The following RALGAPA2 variants were observed in gnomAD, a reference collection of about 807,000 sequenced individuals.
The protein encoded by RALGAPA2 is Ral GTPase activating protein catalytic subunit alpha 2.
Under a neutral mutation model 230.4 loss-of-function variants are expected in RALGAPA2, and 139 were observed. The ratio of observed to expected loss-of-function variants is 0.60; its 90% CI spans 0.53 to 0.69. The LOEUF (loss-of-function observed/expected upper bound fraction) is 0.69, where lower values mean the gene tolerates loss of function less well. RALGAPA2 is among the 30% of genes least tolerant of loss of function. RALGAPA2 has a pLI of 0.00. For synonymous variants in RALGAPA2, 847 were observed against 837.8 expected, an observed-to-expected ratio of 1.01 and a Z score of -0.19; for missense variants, 2,163 against 2,276.0, an observed-to-expected ratio of 0.95 and a Z score of 1.01.
At chr20:20,421,286 AT>A (rs1331379257) in intron 37 of RALGAPA2, among the ~76,000 whole-genome samples, 1 of 152,250 alleles carries the variant, frequency 6.6e-6, no homozygotes, top group African/African-American at 2.4e-5. Flanking sequence ...GATGACTATA[AT>A]CAAAAGGACA....
In RALGAPA2 at chr20:20,513,274, TCTC is replaced by T; in HGVS notation, c.4092_4094del (p.Arg1366del). 6.8e-7 allele frequency: 1 copy of T among 1,459,916 alleles called. No homozygotes were observed. The highest frequency in any genetic ancestry group is 9.0e-7 in the Non-Finnish European group (1 of 1,105,850). 90.4% of individuals were successfully genotyped at this position (1,459,916 alleles called of 1,614,324 possible). On this transcript the variant is annotated inframe_deletion, in exon 32 of 40. Coordinates refer to ENST00000202677, the MANE Select transcript of RALGAPA2 (RefSeq NM_020343.4). The stretch of plus-strand genomic sequence containing the variant: ...TCAAAGGGATCAACTCCAAACTTCT[TCTC>T]TTCTTCTCTGTAAACAGCGGTAAAG...
In RALGAPA2 at chr20:20,619,338, C is replaced by T. The variant is rs2066252019; in HGVS notation, c.1478G>A (p.Arg493Lys). The T allele has an allele frequency of 6.2e-7, 1 of 1,612,416 alleles. No individual in the cohort carries two copies. Among genetic ancestry groups the T allele is most frequent in the Admixed American group, 1.7e-5 (1 of 59,978 alleles). Reference protein sequence around the residue: ...RTYSFTSAMSRGCVTEEENTN... With the variant: ...RTYSFTSAMSKGCVTEEENTN... ...ATTTTCCTCCTCTGTCACACACCCTCTGCTCATTGCACTTGTGAAGGAGTA... is the reference window on the plus strand; with the variant it reads ...ATTTTCCTCCTCTGTCACACACCCTTTGCTCATTGCACTTGTGAAGGAGTA... The change falls in exon 12 of 40, where the codon AGA becomes AAA. Residue 493 changes from arginine to lysine, a missense_variant. Arg to Lys is a conservative substitution (Grantham distance 26). Transcript: ENST00000202677.
Position 20,712,378 on chromosome 20 carries a change from GC to G in RALGAPA2, c.102del (p.Leu35TrpfsTer29). 6.5e-7 allele frequency: 1 copy of G among 1,542,820 alleles called. No homozygotes were observed. The highest frequency in any genetic ancestry group is 8.8e-7 in the Non-Finnish European group (1 of 1,142,316). On this transcript the variant is annotated frameshift_variant, in exon 1 of 40. Coordinates refer to ENST00000202677, the MANE Select transcript of RALGAPA2 (RefSeq NM_020343.4). LOFTEE classifies it high-confidence loss of function. This position sits in a 1 kb window ranked among gnomAD's most constrained non-coding sequence, Gnocchi z 5.5. ...VLTRLKHLRA[L>X]LDNVDANDLK... ...CCGCGCCCGGCGCGCGCCTCACCCA[GC>G]AGCGCCCGCAGGTGCTTCAGGCGGG...
chr20:20,567,745 C>A (rs970768055), intron 23 of RALGAPA2, among the ~76,000 whole-genome samples: 1 of 151,438 alleles, frequency 6.6e-6, no homozygotes, highest in East Asian at 1.9e-4. Context: ...GTAATCCCAG[C>A]ATTTTGGGAG....
intron 36 of RALGAPA2, among the ~76,000 whole-genome samples, chr20:20,485,793 A>ATAC (rs2061895468): frequency 2.0e-5 from 3 of 152,212 alleles, no homozygotes. Context: ...TAAGCATGAA[A>ATAC]TACTTGTTGC....
intron 3 of RALGAPA2, among the ~76,000 whole-genome samples, chr20:20,671,675 T>C (rs2068139670): frequency 6.6e-6 from 1 of 152,212 alleles, no homozygotes. Context: ...GAACAATATA[T>C]ATTTGTTCTA....
chr20:20,420,537 A>G (rs1418288224), intron 37 of RALGAPA2, among the ~76,000 whole-genome samples: 1 of 152,218 alleles, frequency 6.6e-6, no homozygotes, highest in Non-Finnish European at 1.5e-5. Context: ...GACCTTAAGC[A>G]TAACCAGGAA....
intron 36 of RALGAPA2, among the ~76,000 whole-genome samples, chr20:20,487,974 T>C (rs1056731826): frequency 2.0e-5 from 3 of 151,368 alleles, no homozygotes; most frequent in Non-Finnish European, 4.4e-5. Context: ...ATACTTTGGG[T>C]ATATAGTCAT....
At chr20:20,434,561 A>G (rs1437418106) in intron 37 of RALGAPA2, among the ~76,000 whole-genome samples, 1 of 152,148 alleles carries the variant, frequency 6.6e-6, no homozygotes, top group African/African-American at 2.4e-5. Flanking sequence ...GGAGGAGATG[A>G]CCACGTTCTG....
chr20:20,546,611 G>C (rs972038715), intron 24 of RALGAPA2, 93 bp downstream of exon 24: 2 of 1,401,264 alleles, frequency 1.4e-6, no homozygotes, highest in Non-Finnish European at 1.9e-6. Flanking sequence ...TTGCACTAAT[G>C]AGTCAACACC....
chr20:20,500,704 G>A (rs1369661118), intron 35 of RALGAPA2, among the ~76,000 whole-genome samples: 2 of 152,160 alleles, frequency 1.3e-5, no homozygotes, highest in Non-Finnish European at 2.9e-5. Flanking sequence ...TGTTCCTAAT[G>A]GCATCTAGAA....
chr20:20,676,891 C>A (rs76703846), intron 2 of RALGAPA2, among the ~76,000 whole-genome samples: 1 of 152,152 alleles, frequency 6.6e-6, no homozygotes. Context: ...GCCTCTCTTA[C>A]AAACACTCAA....
At chr20:20,516,633 A>G (rs2062879570) in intron 31 of RALGAPA2, among the ~76,000 whole-genome samples, 1 of 152,200 alleles carries the variant, frequency 6.6e-6, no homozygotes, top group Non-Finnish European at 1.5e-5. Context: ...CAGAGTCTAC[A>G]TCACTCCCCT....
intron 16 of RALGAPA2, among the ~76,000 whole-genome samples, chr20:20,592,109 C>G (rs1476049321): frequency 6.6e-6 from 1 of 152,154 alleles, no homozygotes; most frequent in South Asian, 2.1e-4. Context: ...CCACCTTTTA[C>G]GTAGGTTGTT....
At chr20:20,583,385 T>C (rs2065044039) in intron 19 of RALGAPA2, among the ~76,000 whole-genome samples, 159 bp from the exon 20 acceptor site, 1 of 152,188 alleles carries the variant, frequency 6.6e-6, no homozygotes, top group South Asian at 2.1e-4. Context: ...GCTCAAAAAG[T>C]GTCCACGTGG....
At chr20:20,542,809 A>G (rs1022352155) in intron 24 of RALGAPA2, among the ~76,000 whole-genome samples, 10 of 152,194 alleles carry the variant, frequency 6.6e-5, no homozygotes, top group African/African-American at 1.9e-4. Flanking sequence ...TAAAAACCCT[A>G]GAAAAAAACC....
intron 3 of RALGAPA2, among the ~76,000 whole-genome samples, chr20:20,664,931 G>A (rs2067910198): frequency 6.6e-6 from 1 of 152,054 alleles, no homozygotes; most frequent in African/African-American, 2.4e-5. Context: ...GTGCACAAAG[G>A]CTTCAAGCCA....
intron 37 of RALGAPA2, among the ~76,000 whole-genome samples, chr20:20,447,489 C>T (rs1047497004): frequency 9.2e-5 from 14 of 152,294 alleles, no homozygotes; most frequent in Admixed American, 8.5e-4. Context: ...CAATCCTGAG[C>T]CCTGGCAGAT....
chr20:20,678,159 G>C (rs2068400826), intron 2 of RALGAPA2, among the ~76,000 whole-genome samples: 1 of 152,090 alleles, frequency 6.6e-6, no homozygotes, highest in Non-Finnish European at 1.5e-5. Context: ...CGGAGTTTTG[G>C]CCTGAATAAC....
Sources: allele counts gnomAD v4.1 joint callset (sites outside exome capture counted in the v4.1 genomes callset), GRCh38; gene constraint gnomAD v4.1.1; non-coding constraint Gnocchi (gnomAD v3.1); transcripts MANE v1.5; gene names NCBI Gene and HGNC (gene_info 2026-07-23, HGNC 2026-07-21).